KIF16B: variants seen among roughly 807,000 people sequenced by gnomAD.
The protein encoded by KIF16B is kinesin-like protein KIF16B.
Under a neutral mutation model 156.3 loss-of-function variants are expected in KIF16B, and 98 were observed. That is an observed-to-expected ratio of 0.63 (90% CI 0.53 to 0.74). KIF16B has a LOEUF of 0.74. KIF16B is among the 30% of genes least tolerant of loss of function. The pLI, the probability that KIF16B is intolerant of heterozygous loss-of-function variation, is 0.00. For synonymous variants in KIF16B, 564 were observed against 583.7 expected (o/e 0.97, Z 0.49); for missense variants, 1,421 against 1,606.5 (o/e 0.88, Z 1.97).
At chr20:16,484,652 G>C (rs1334308760) in intron 12 of KIF16B, among the ~76,000 whole-genome samples, 1 of 152,094 alleles carries the variant, frequency 6.6e-6, no homozygotes, top group Non-Finnish European at 1.5e-5. Flanking sequence ...AAGATAAAAG[G>C]CTTTGCGTGT....
At chr20:16,344,861 T>C (rs565340766) in intron 23 of KIF16B, among the ~76,000 whole-genome samples, 139 of 152,292 alleles carry the variant, frequency 9.1e-4, no homozygotes, top group African/African-American at 3.2e-3. Flanking sequence ...TCCCTGAGTA[T>C]CCTTTTAGCA....
At chr20:16,367,365 ATT>A in intron 22 of KIF16B, 1 of 1,612,866 alleles carries the variant, frequency 6.2e-7, no homozygotes, top group South Asian at 1.1e-5. Flanking sequence ...CTGTTGACAC[ATT>A]TTTCTTTTCT....
At chr20:16,498,445 G>A (rs1319996934) in intron 10 of KIF16B, among the ~76,000 whole-genome samples, 1 of 152,064 alleles carries the variant, frequency 6.6e-6, no homozygotes, top group Non-Finnish European at 1.5e-5. Context: ...TCCCAATTTG[G>A]TTGTGTAAAC....
At chr20:16,520,360 T>C (rs1229231038) in intron 3 of KIF16B, among the ~76,000 whole-genome samples, 1 of 152,066 alleles carries the variant, frequency 6.6e-6, no homozygotes, top group Non-Finnish European at 1.5e-5. Context: ...CATCCACCAT[T>C]ACTGAGACTC....
intron 22 of KIF16B, among the ~76,000 whole-genome samples, chr20:16,365,439 G>T (rs1186449092): frequency 1.3e-5 from 2 of 152,124 alleles, no homozygotes; most frequent in Non-Finnish European, 2.9e-5. Context: ...GGGGTAGGGG[G>T]TGCTTTGGAA....
intron 10 of KIF16B, among the ~76,000 whole-genome samples, chr20:16,503,975 G>A (rs2068700773): frequency 1.3e-5 from 2 of 152,142 alleles, no homozygotes; most frequent in Admixed American, 6.5e-5. Context: ...TCAGAAAGGT[G>A]TTCAAACAAG....
At chr20:16,406,300 A>G (rs2065783353) in intron 16 of KIF16B, 74 bp downstream of exon 16, 3 of 1,281,516 alleles carry the variant, frequency 2.3e-6, no homozygotes, top group Non-Finnish European at 3.4e-6. Context: ...AAAAGATTGG[A>G]ACCAGAGTGA....
rs144540029 is a variant in KIF16B, at chr20:16,340,110, C to T, written c.3622-4095G>A. On this transcript the variant is annotated intron_variant, in intron 23 of 25. Coordinates refer to ENST00000354981, the MANE Select transcript of KIF16B (RefSeq NM_024704.5). ...CTGGCTCTTCCACAACCACTTTCTT[C>T]CTTGCTCATCTAGGGTATACCCAAG... is the stretch of plus-strand genomic sequence containing the variant. Among the ~76,000 whole-genome samples the T allele has an allele frequency of 3.0e-4, 45 of 152,298 alleles. No homozygotes were observed. The East Asian group carries it at 4.6e-3, about 16-fold the overall frequency.
intron 4 of KIF16B, among the ~76,000 whole-genome samples, chr20:16,514,606 A>AAAAG (rs2069075842): frequency 6.8e-6 from 1 of 146,010 alleles, no homozygotes; most frequent in African/African-American, 2.5e-5. Flanking sequence ...AAAAAAAAAA[A>AAAAG]CAGGCCAGGC....
chr20:16,546,661 T>C (rs2070417419), intron 1 of KIF16B, among the ~76,000 whole-genome samples: 1 of 152,194 alleles, frequency 6.6e-6, no homozygotes, highest in Non-Finnish European at 1.5e-5. Flanking sequence ...GTAAAAATCT[T>C]CAAAAGCTTT....
chr20:16,536,640 C>T (rs1383881226), intron 1 of KIF16B, among the ~76,000 whole-genome samples: 7 of 152,106 alleles, frequency 4.6e-5, no homozygotes, highest in African/African-American at 1.7e-4. Flanking sequence ...CCAAAACCAG[C>T]GTGATATCTA....
chr20:16,302,114 C>T (rs1009594879), intron 25 of KIF16B, among the ~76,000 whole-genome samples: 2 of 152,168 alleles, frequency 1.3e-5, no homozygotes, highest in African/African-American at 4.8e-5. Flanking sequence ...TTTTGCAGAG[C>T]AGAAGTTTTA....
intron 12 of KIF16B, among the ~76,000 whole-genome samples, chr20:16,460,900 C>T (rs1044985683): frequency 4.6e-5 from 7 of 151,926 alleles, no homozygotes; most frequent in Non-Finnish European, 7.4e-5. Flanking sequence ...CAAATATCCT[C>T]CTACATACCT....
At chr20:16,450,354 C>T (rs1212409023) in intron 12 of KIF16B, among the ~76,000 whole-genome samples, 1 of 152,162 alleles carries the variant, frequency 6.6e-6, no homozygotes, top group Non-Finnish European at 1.5e-5. Flanking sequence ...AACATCTTCA[C>T]TCAGAGCTCA....
intron 15 of KIF16B, 83 bp downstream of exon 15, chr20:16,427,021 G>A: frequency 8.5e-7 from 1 of 1,179,560 alleles, no homozygotes; most frequent in Non-Finnish European, 1.2e-6. Context: ...TTAATTCTAA[G>A]ATGCACATGT....
intron 25 of KIF16B, among the ~76,000 whole-genome samples, chr20:16,294,875 C>T (rs1234931744): frequency 6.6e-6 from 1 of 152,074 alleles, no homozygotes; most frequent in Non-Finnish European, 1.5e-5. Context: ...TGTTAGCCAC[C>T]CTCATGAGCT....
chr20:16,285,626 G>C (rs1037879189), intron 25 of KIF16B, among the ~76,000 whole-genome samples: 1 of 152,080 alleles, frequency 6.6e-6, no homozygotes, highest in African/African-American at 2.4e-5. Context: ...AGACCAGCCT[G>C]GGCAACATGC....
intron 15 of KIF16B, among the ~76,000 whole-genome samples, chr20:16,424,039 T>G (rs562741354): frequency 6.6e-6 from 1 of 152,198 alleles, no homozygotes; most frequent in Non-Finnish European, 1.5e-5. Flanking sequence ...TACTGCTGCC[T>G]GGAAATAACC....
At chr20:16,426,670 C>T (rs2066360817) in intron 15 of KIF16B, among the ~76,000 whole-genome samples, 1 of 151,964 alleles carries the variant, frequency 6.6e-6, no homozygotes, top group Non-Finnish European at 1.5e-5. Context: ...ATTCTTGCAA[C>T]TTGTCTATGA....
Sources: allele counts gnomAD v4.1 joint callset (sites outside exome capture counted in the v4.1 genomes callset), GRCh38; gene constraint gnomAD v4.1.1; transcripts MANE v1.5; gene names NCBI Gene and HGNC (gene_info 2026-07-23, HGNC 2026-07-21).